The following ZFYVE9 variants were observed in gnomAD, a reference collection of about 807,000 sequenced individuals.
The protein encoded by ZFYVE9 is zinc finger FYVE domain-containing protein 9.
Under a neutral mutation model 126.7 loss-of-function variants are expected in ZFYVE9, and 43 were observed. That is an observed-to-expected ratio of 0.34 (90% CI 0.27 to 0.44). The LOEUF (loss-of-function observed/expected upper bound fraction) is 0.44. Among genes scored for constraint, ZFYVE9 ranks in the 20% least tolerant of loss-of-function variants. ZFYVE9 has a pLI of 1.00. For synonymous variants in ZFYVE9, 521 were observed against 597.4 expected, an observed-to-expected ratio of 0.87 and a Z score of 1.87; for missense variants, 1,476 against 1,697.0, an observed-to-expected ratio of 0.87 and a Z score of 2.29.
Position 52,290,580 on chromosome 1 carries a change from T to C in ZFYVE9, c.3026-2873T>C, listed in dbSNP as rs17107155. The stretch of plus-strand genomic sequence containing the variant: ...GTTGAATTTTGTATGAAGTGTCTCT[T>C]ATATTGTATCCTAGAATTCCAGGAT... On this transcript the variant is annotated intron_variant, in intron 10 of 18. Coordinates refer to ENST00000287727, the MANE Select transcript of ZFYVE9 (RefSeq NM_004799.4). Among the ~76,000 whole-genome samples, 1,392 of 152,280 alleles carry C rather than the reference T, an allele frequency of 9.1e-3. 65 individuals carry two copies. In the East Asian group the frequency reaches 0.12, roughly 13 times the overall value.
chr1:52,338,649 AT>A (rs1364696418), intron 16 of ZFYVE9, among the ~76,000 whole-genome samples: 4 of 152,236 alleles, frequency 2.6e-5, no homozygotes, highest in African/African-American at 4.8e-5. Context: ...TTAAACTTAA[AT>A]TCAAGTAATT....
chr1:52,232,828 T>A lies in ZFYVE9; in HGVS notation c.-36-343T>A, dbSNP rs1742058. Among the ~76,000 whole-genome samples the A allele has an allele frequency of 5.7e-3, 865 of 151,588 alleles. 8 individuals carry two copies. The highest frequency in any genetic ancestry group is 0.02 in the African/African-American group (823 of 41,364). ...TTACTCCTGTACTTAAACTTCCCTG[T>A]CATTTCCCATTTGAAAAAAATTCTG... is the stretch of plus-strand genomic sequence containing the variant. On this transcript the variant is annotated intron_variant, in intron 2 of 18. Coordinates refer to ENST00000287727, the MANE Select transcript of ZFYVE9 (RefSeq NM_004799.4).
Position 52,334,771 on chromosome 1 carries a change from A to T in ZFYVE9, c.3670+3A>T. ...TGCCAAGTCCAGTATTGTGGAAGGT[A>T]AAGAATGAATTGTTCAGTCCTCATA... On this transcript the variant is annotated splice_donor_region_variant and intron_variant, in intron 15 of 18. Transcript: ENST00000287727. 6.2e-7 allele frequency: 1 copy of T among 1,613,756 alleles called. No individual in the cohort carries two copies. The highest frequency in any genetic ancestry group is 8.5e-7 in the Non-Finnish European group (1 of 1,179,748).
intron 3 of ZFYVE9, among the ~76,000 whole-genome samples, chr1:52,234,341 G>A (rs1382779214): frequency 1.3e-5 from 2 of 152,118 alleles, no homozygotes; most frequent in Non-Finnish European, 1.5e-5. Context: ...CACACCTGTG[G>A]TCCCAGCTAT....
chr1:52,276,755 T>C (rs1645751927), intron 8 of ZFYVE9, among the ~76,000 whole-genome samples: 1 of 152,238 alleles, frequency 6.6e-6, no homozygotes, highest in Non-Finnish European at 1.5e-5. Context: ...AAATAGTGAT[T>C]TGCTTCATTA....
intron 5 of ZFYVE9, 56 bp downstream of exon 5, chr1:52,263,928 G>T: frequency 8.2e-7 from 1 of 1,218,110 alleles, no homozygotes; most frequent in South Asian, 1.5e-5. Context: ...AGGGAATTAC[G>T]ATGAGAAGAC....
chr1:52,164,705 A>G (rs1021038737), intron 1 of ZFYVE9, among the ~76,000 whole-genome samples: 3 of 152,236 alleles, frequency 2.0e-5, no homozygotes, highest in African/African-American at 7.2e-5. Context: ...GACCAAGGCT[A>G]ACAAGGCATT....
intron 5 of ZFYVE9, among the ~76,000 whole-genome samples, chr1:52,265,350 T>G (rs1304472772): frequency 6.6e-6 from 1 of 152,234 alleles, no homozygotes; most frequent in Non-Finnish European, 1.5e-5. Flanking sequence ...TAGCCTTGTC[T>G]TGCAGTTTGG....
intron 13 of ZFYVE9, among the ~76,000 whole-genome samples, chr1:52,327,739 C>T (rs969783754): frequency 3.9e-5 from 6 of 152,008 alleles, no homozygotes; most frequent in Admixed American, 1.3e-4. Flanking sequence ...TTTGGGAGGC[C>T]GAGGTGGGTG....
At chr1:52,180,755 C>T (rs192713530) in intron 1 of ZFYVE9, among the ~76,000 whole-genome samples, 60 of 152,230 alleles carry the variant, frequency 3.9e-4, no homozygotes, top group African/African-American at 1.4e-3. Context: ...GCAGGCAGAT[C>T]ACCTGAAGTT....
chr1:52,290,860 T>G (rs1645912758), intron 10 of ZFYVE9, among the ~76,000 whole-genome samples: 1 of 152,218 alleles, frequency 6.6e-6, no homozygotes, highest in South Asian at 2.1e-4. Context: ...TTTTATAGAT[T>G]TCCTTTCATT....
At chr1:52,247,565 C>A (rs916519407) in intron 4 of ZFYVE9, among the ~76,000 whole-genome samples, 1 of 151,956 alleles carries the variant, frequency 6.6e-6, no homozygotes, top group Non-Finnish European at 1.5e-5. Flanking sequence ...GGCGCAATCT[C>A]GGCTCACTGC....
intron 9 of ZFYVE9, among the ~76,000 whole-genome samples, chr1:52,280,882 G>T (rs1645796087): frequency 6.6e-6 from 1 of 151,986 alleles, no homozygotes; most frequent in South Asian, 2.1e-4. Context: ...TGAAGATAAA[G>T]CTATATTATT....
chr1:52,192,573 C>T (rs1644825448), intron 1 of ZFYVE9, among the ~76,000 whole-genome samples: 1 of 152,166 alleles, frequency 6.6e-6, no homozygotes, highest in Non-Finnish European at 1.5e-5. Flanking sequence ...GTCAATTCTG[C>T]CATCCTTGTG....
At chr1:52,293,418 G>A in intron 10 of ZFYVE9, 35 bp from the exon 11 acceptor site, 2 of 681,944 alleles carry the variant, frequency 2.9e-6, no homozygotes, top group African/African-American at 1.9e-5. Flanking sequence ...TTAATTTATT[G>A]ATACAAAGTA....
chr1:52,201,107 G>C (rs1004005179), intron 1 of ZFYVE9, among the ~76,000 whole-genome samples: 9 of 152,086 alleles, frequency 5.9e-5, no homozygotes, highest in Non-Finnish European at 8.8e-5. Context: ...AAGTCTTTCT[G>C]TTCGTGAACA....
intron 1 of ZFYVE9, among the ~76,000 whole-genome samples, chr1:52,211,282 A>G (rs1287285013): frequency 6.6e-6 from 1 of 152,192 alleles, no homozygotes; most frequent in Non-Finnish European, 1.5e-5. Flanking sequence ...AGTTGAAATC[A>G]CCCATCCCAC....
chr1:52,189,006 C>T (rs532824905), intron 1 of ZFYVE9, among the ~76,000 whole-genome samples: 18 of 151,494 alleles, frequency 1.2e-4, no homozygotes, highest in South Asian at 8.4e-4. Flanking sequence ...GGCATGATCT[C>T]GGCTCACTGC....
intron 6 of ZFYVE9, among the ~76,000 whole-genome samples, chr1:52,267,995 A>G (rs572460270): frequency 4.9e-4 from 74 of 152,308 alleles, no homozygotes; most frequent in African/African-American, 1.5e-3. Context: ...TTATTCTTTA[A>G]CATTCTTCAG....
Sources: allele counts gnomAD v4.1 joint callset (sites outside exome capture counted in the v4.1 genomes callset), GRCh38; gene constraint gnomAD v4.1.1; transcripts MANE v1.5; gene names NCBI Gene and HGNC (gene_info 2026-07-23, HGNC 2026-07-21).